Variants in ZNF804B observed in about 807,000 individuals in gnomAD.
The protein encoded by ZNF804B is zinc finger 804B.
Under a neutral mutation model 101.4 loss-of-function variants are expected in ZNF804B, and 80 were observed. The ratio of observed to expected loss-of-function variants is 0.79; its 90% CI spans 0.66 to 0.95. ZNF804B has a LOEUF of 0.95. ZNF804B is among the 40% of genes least tolerant of loss of function. ZNF804B has a pLI of 0.00. For synonymous variants in ZNF804B, 622 were observed against 558.8 expected (o/e 1.11, Z -1.59); for missense variants, 1,673 against 1,561.9 (o/e 1.07, Z -1.20).
At chr7:89,051,451 G>A (rs1238657098) in intron 1 of ZNF804B, among the ~76,000 whole-genome samples, 1 of 152,096 alleles carries the variant, frequency 6.6e-6, no homozygotes, top group Non-Finnish European at 1.5e-5. Flanking sequence ...ATGTTATCAA[G>A]TGCTGGATTT....
rs147255166 is a variant in ZNF804B, at chr7:89,144,064, T to C, written c.109-74091T>C. 9.1e-3 allele frequency among the ~76,000 whole-genome samples: 1,383 copies of C among 152,112 alleles called. 22 individuals are homozygous for C. Among genetic ancestry groups the C allele is most frequent in the African/African-American group, 0.031 (1,291 of 41,552 alleles). ...CTACTGAATGAAAAAAAGTAGATAT[T>C]TATTTGTGTAAATTCTTATAATACA... is the stretch of plus-strand genomic sequence containing the variant. On this transcript the variant is annotated intron_variant, in intron 1 of 3. Transcript: ENST00000333190.
At chr7:89,068,030 A>G (rs1460167788) in intron 1 of ZNF804B, among the ~76,000 whole-genome samples, 2 of 150,904 alleles carry the variant, frequency 1.3e-5, no homozygotes, top group African/African-American at 4.9e-5. Context: ...AGTTTAAACA[A>G]GATAATCCAT....
At chr7:89,131,545 G>A (rs535198943) in intron 1 of ZNF804B, among the ~76,000 whole-genome samples, 1 of 152,004 alleles carries the variant, frequency 6.6e-6, no homozygotes, top group South Asian at 2.1e-4. Flanking sequence ...CATAGAAGAT[G>A]GGTGAAGGAA....
intron 2 of ZNF804B, among the ~76,000 whole-genome samples, chr7:89,321,822 A>G (rs1790825926): frequency 6.6e-6 from 1 of 152,172 alleles, no homozygotes; most frequent in African/African-American, 2.4e-5. Context: ...AATACATTTT[A>G]AAGACACAAT....
intron 1 of ZNF804B, among the ~76,000 whole-genome samples, chr7:89,115,395 T>A (rs1318518979): frequency 6.6e-6 from 1 of 152,184 alleles, no homozygotes; most frequent in African/African-American, 2.4e-5. Context: ...TTGAACTGGC[T>A]CATTGTTTGG....
chr7:88,914,416 G>A (rs1306576954), intron 1 of ZNF804B, among the ~76,000 whole-genome samples: 2 of 152,104 alleles, frequency 1.3e-5, no homozygotes, highest in Non-Finnish European at 2.9e-5. Context: ...TGAAAAACAT[G>A]TGACTTGAAG....
At chr7:88,875,646 T>G (rs1388791179) in intron 1 of ZNF804B, among the ~76,000 whole-genome samples, 1 of 151,826 alleles carries the variant, frequency 6.6e-6, no homozygotes, top group Admixed American at 6.6e-5. Flanking sequence ...AATAACAGGC[T>G]CTGAAATTGT....
At chr7:89,058,256 G>A (rs79840130) in intron 1 of ZNF804B, among the ~76,000 whole-genome samples, 3,512 of 152,186 alleles carry the variant, frequency 0.023, 53 homozygotes, top group Non-Finnish European at 0.039. Context: ...TAGGTATGGT[G>A]AAAGTTAATG....
chr7:88,827,034 T>C (rs1298786887), intron 1 of ZNF804B, among the ~76,000 whole-genome samples: 1 of 152,114 alleles, frequency 6.6e-6, no homozygotes, highest in Non-Finnish European at 1.5e-5. Context: ...ATTGTGTAGA[T>C]AAATATTTTT....
intron 1 of ZNF804B, among the ~76,000 whole-genome samples, chr7:89,097,033 C>T (rs901273286): frequency 6.6e-6 from 1 of 152,180 alleles, no homozygotes; most frequent in Non-Finnish European, 1.5e-5. Flanking sequence ...AGTTCCAGGG[C>T]TAACTTCCTG....
intron 3 of ZNF804B, among the ~76,000 whole-genome samples, chr7:89,328,065 A>C (rs1205328983): frequency 6.6e-6 from 1 of 152,018 alleles, no homozygotes; most frequent in Non-Finnish European, 1.5e-5. Context: ...CCTGGAATGC[A>C]ATTAAATTTG....
At chr7:88,985,907 C>T (rs1436881861) in intron 1 of ZNF804B, among the ~76,000 whole-genome samples, 4 of 152,070 alleles carry the variant, frequency 2.6e-5, no homozygotes, top group Admixed American at 1.3e-4. Flanking sequence ...AATACCATTA[C>T]AGGAGGATAT....
At chr7:89,066,221 G>A (rs117930702) in intron 1 of ZNF804B, among the ~76,000 whole-genome samples, 2,434 of 148,706 alleles carry the variant, frequency 0.016, 44 homozygotes, top group Middle Eastern at 0.041. Context: ...CAGTCACAGC[G>A]TGTATTTTTA....
chr7:89,157,518 C>T (rs1790995655), intron 1 of ZNF804B, among the ~76,000 whole-genome samples: 1 of 151,768 alleles, frequency 6.6e-6, no homozygotes, highest in Non-Finnish European at 1.5e-5. Context: ...TGAACATATT[C>T]TTTGATTTTA....
At chr7:89,190,197 T>C (rs1272059569) in intron 1 of ZNF804B, among the ~76,000 whole-genome samples, 2 of 151,830 alleles carry the variant, frequency 1.3e-5, no homozygotes, top group African/African-American at 2.4e-5. Flanking sequence ...TAGCCGGGCA[T>C]AGTGGCGCAC....
intron 1 of ZNF804B, among the ~76,000 whole-genome samples, chr7:88,876,875 T>G (rs960798409): frequency 6.7e-6 from 1 of 148,956 alleles, no homozygotes. Context: ...TTAAAAAGTA[T>G]GTTGATTAAA....
chr7:89,052,130 C>CTTTATTT (rs1028410498), intron 1 of ZNF804B, among the ~76,000 whole-genome samples: 1 of 151,792 alleles, frequency 6.6e-6, no homozygotes, highest in African/African-American at 2.4e-5. Flanking sequence ...CAGGTATTAA[C>CTTTATTT]TTTATTTTTT....
chr7:88,936,101 CTT>C lies in ZNF804B; in HGVS notation c.108+176027_108+176028del, dbSNP rs111880138. On this transcript the variant is annotated intron_variant, in intron 1 of 3. Transcript: ENST00000333190. The stretch of plus-strand genomic sequence containing the variant: ...CTCCTTCCTTCCTTCATCTTTCTTC[CTT>C]TTTTTTTTTAAAAAAAATAACATAT... 2.6e-4 allele frequency among the ~76,000 whole-genome samples: 37 copies of C among 143,668 alleles called. 1 individual carries two copies. The highest frequency in any genetic ancestry group is 8.0e-4 in the African/African-American group (31 of 38,794). 94.3% of individuals were successfully genotyped at this position (143,668 alleles called of 152,430 possible).
chr7:89,292,439 T>C (rs1790311335), intron 2 of ZNF804B, among the ~76,000 whole-genome samples: 1 of 152,244 alleles, frequency 6.6e-6, no homozygotes, highest in South Asian at 2.1e-4. Flanking sequence ...TTAGTTTTCT[T>C]TTTGCTTGTT....
Sources: allele counts gnomAD v4.1 joint callset (sites outside exome capture counted in the v4.1 genomes callset), GRCh38; gene constraint gnomAD v4.1.1; transcripts MANE v1.5; gene names NCBI Gene and HGNC (gene_info 2026-07-23, HGNC 2026-07-21).